The following MGMT variants were observed in gnomAD, a reference collection of about 807,000 sequenced individuals.
MGMT encodes O-6-methylguanine-DNA methyltransferase, also known as methylated-DNA--protein-cysteine methyltransferase.
A neutral mutation model predicts 15.9 loss-of-function variants in MGMT; 14 were observed. The observed-to-expected ratio is 0.88, with a 90% CI of 0.58 to 1.37. The LOEUF is 1.37. Ranked by LOEUF, MGMT falls within the 40% of genes most tolerant of loss-of-function variation. The pLI is 0.00. For synonymous variants in MGMT, 130 were observed against 118.2 expected, an observed-to-expected ratio of 1.10 and a Z score of -0.65; for missense variants, 282 against 268.1, an observed-to-expected ratio of 1.05 and a Z score of -0.36.
chr10:129,722,046 C>T (rs1848378251), intron 3 of MGMT, among the ~76,000 whole-genome samples: 2 of 151,272 alleles, frequency 1.3e-5, no homozygotes, highest in South Asian at 2.1e-4. Context: ...AAAATGATGA[C>T]AGAGTCCTAT....
At chr10:129,705,400 C>G (rs1848149206) in intron 2 of MGMT, among the ~76,000 whole-genome samples, 1 of 152,194 alleles carries the variant, frequency 6.6e-6, no homozygotes, top group Non-Finnish European at 1.5e-5. Context: ...TAATTTGTAT[C>G]ATCTTTAACA....
intron 2 of MGMT, 138 bp from the exon 3 acceptor site, chr10:129,707,757 C>T (rs1848181696): frequency 2.6e-6 from 3 of 1,175,998 alleles, no homozygotes; most frequent in Non-Finnish European, 3.7e-6. Flanking sequence ...CCCCTTTCTG[C>T]TGCACAGCTA....
At chr10:129,558,435 G>C (rs1298017080) in intron 2 of MGMT, among the ~76,000 whole-genome samples, 1 of 152,128 alleles carries the variant, frequency 6.6e-6, no homozygotes, top group Non-Finnish European at 1.5e-5. Context: ...ATATTTTATG[G>C]CCTTTCTTTG....
intron 3 of MGMT, among the ~76,000 whole-genome samples, chr10:129,746,218 G>C (rs1172358209): frequency 7.1e-6 from 1 of 140,934 alleles, no homozygotes; most frequent in African/African-American, 2.7e-5. Flanking sequence ...CAGCCTAGGG[G>C]ACAGAGCGAG....
At chr10:129,479,540 T>C (rs1249688283) in intron 1 of MGMT, among the ~76,000 whole-genome samples, 1 of 152,230 alleles carries the variant, frequency 6.6e-6, no homozygotes, top group African/African-American at 2.4e-5. Flanking sequence ...AGTGGATCCT[T>C]ATGAGAACGT....
chr10:129,557,545 A>C (rs1846228083), intron 2 of MGMT, among the ~76,000 whole-genome samples: 1 of 152,238 alleles, frequency 6.6e-6, no homozygotes, highest in Admixed American at 6.5e-5. Context: ...AAATGTACAC[A>C]CTAATGAATT....
At chr10:129,537,365 A>G (rs771115684) in intron 2 of MGMT, among the ~76,000 whole-genome samples, 1 of 152,204 alleles carries the variant, frequency 6.6e-6, no homozygotes, top group Non-Finnish European at 1.5e-5. Flanking sequence ...GCTGCACGTT[A>G]CAATCAATAT....
intron 4 of MGMT, among the ~76,000 whole-genome samples, chr10:129,761,428 C>T (rs577729805): frequency 2.4e-4 from 36 of 152,308 alleles, no homozygotes; most frequent in African/African-American, 7.9e-4. Context: ...CGTGGCAGCA[C>T]CCTCCCCCAC....
chr10:129,743,978 G>A lies in MGMT; in HGVS notation c.275-15224G>A, dbSNP rs150557048. On this transcript the variant is annotated intron_variant, in intron 3 of 4. Coordinates refer to ENST00000651593, the MANE Select transcript of MGMT (RefSeq NM_002412.5). ...TGCTGGCCATGCCTGGCTGGGATGG[G>A]ATGACCTGGTGAGGACAGAGGAGGA... Among the ~76,000 whole-genome samples, 1,313 of 152,342 alleles carry A rather than the reference G, an allele frequency of 8.6e-3. 17 individuals are homozygous for A. The highest frequency in any genetic ancestry group is 0.029 in the African/African-American group (1,208 of 41,588).
At chr10:129,650,079 CAAAAG>C (rs1458427092) in intron 2 of MGMT, among the ~76,000 whole-genome samples, 2 of 152,088 alleles carry the variant, frequency 1.3e-5, no homozygotes, top group Non-Finnish European at 1.5e-5. Flanking sequence ...ATGCAAGAAA[CAAAAG>C]GAAGGGCACT....
intron 2 of MGMT, among the ~76,000 whole-genome samples, chr10:129,691,121 A>T (rs911596477): frequency 6.6e-6 from 1 of 152,200 alleles, no homozygotes; most frequent in African/African-American, 2.4e-5. Context: ...GGGAACTGGG[A>T]GCTGTTCCCG....
chr10:129,689,975 G>A (rs1220240630), intron 2 of MGMT, among the ~76,000 whole-genome samples: 2 of 152,212 alleles, frequency 1.3e-5, no homozygotes, highest in African/African-American at 2.4e-5. Context: ...TGCCAAAGTC[G>A]TAAACTCATT....
chr10:129,646,754 A>ATATTTTTTT, intron 2 of MGMT, among the ~76,000 whole-genome samples: 1 of 86,674 alleles, frequency 1.2e-5, no homozygotes. Flanking sequence ...ATATATATAT[A>ATATTTTTTT]TTTTCAGGGA....
chr10:129,474,717 C>T (rs1190599898), intron 1 of MGMT, among the ~76,000 whole-genome samples: 1 of 152,150 alleles, frequency 6.6e-6, no homozygotes, highest in African/African-American at 2.4e-5. Context: ...AAAACCAAAC[C>T]GTCAGGTGTT....
At chr10:129,644,290 A>C (rs1057236963) in intron 2 of MGMT, among the ~76,000 whole-genome samples, 7 of 152,196 alleles carry the variant, frequency 4.6e-5, no homozygotes, top group African/African-American at 1.7e-4. Context: ...AAGTACATTG[A>C]GTACAGTGAG....
chr10:129,517,892 T>C (rs1360559423), intron 1 of MGMT, among the ~76,000 whole-genome samples: 3 of 152,186 alleles, frequency 2.0e-5, no homozygotes, highest in Non-Finnish European at 4.4e-5. Context: ...ACAGAAGTTT[T>C]CCCCCAGTTC....
chr10:129,590,267 T>C (rs1228939994), intron 2 of MGMT, among the ~76,000 whole-genome samples: 1 of 152,238 alleles, frequency 6.6e-6, no homozygotes, highest in African/African-American at 2.4e-5. Flanking sequence ...TATAAAAATA[T>C]AGTTCACTTT....
rs1314582556 is a variant in MGMT at position 129,532,269 on chromosome 10, C to T, written c.-12-3972C>T. ...GCTTTAGGGTCCCTTGGGCCAGCAGCTGGGGTCCTTGGGCATTTCCTGGGT... is the reference window on the plus strand; with the variant it reads ...GCTTTAGGGTCCCTTGGGCCAGCAGTTGGGGTCCTTGGGCATTTCCTGGGT... On this transcript the variant is annotated intron_variant, in intron 1 of 4. Transcript: ENST00000651593. This position sits in a 1 kb window ranked among gnomAD's most constrained non-coding sequence, Gnocchi z 5.3. 6.6e-6 allele frequency among the ~76,000 whole-genome samples: 1 copy of T among 152,208 alleles called. No individual in the cohort carries two copies. The highest frequency in any genetic ancestry group is 1.5e-5 in the Non-Finnish European group (1 of 68,026).
At chr10:129,611,156 G>A (rs184261744) in intron 2 of MGMT, among the ~76,000 whole-genome samples, 2 of 152,272 alleles carry the variant, frequency 1.3e-5, no homozygotes, top group Admixed American at 6.5e-5. Context: ...TGGCTGTTGG[G>A]GAGTGTATTC....
Sources: allele counts gnomAD v4.1 joint callset (sites outside exome capture counted in the v4.1 genomes callset), GRCh38; gene constraint gnomAD v4.1.1; non-coding constraint Gnocchi (gnomAD v3.1); transcripts MANE v1.5; gene names NCBI Gene and HGNC (gene_info 2026-07-23, HGNC 2026-07-21).